SCAP: variants seen among roughly 807,000 people sequenced by gnomAD.
SCAP encodes SREBF chaperone, also known as sterol regulatory element-binding protein cleavage-activating protein.
A neutral mutation model predicts 123.6 loss-of-function variants in SCAP; 65 were observed. That is an observed-to-expected ratio of 0.53 (90% CI 0.43 to 0.65). SCAP has a LOEUF of 0.65. Ranked by LOEUF, SCAP falls within the 30% of genes least tolerant of loss-of-function variation. The pLI, the probability that SCAP is intolerant of heterozygous loss-of-function variation, is 0.00. For missense variants in SCAP, 1,398 were observed against 1,712.5 expected, an observed-to-expected ratio of 0.82 and a Z score of 3.24; for synonymous variants, 740 against 726.3, an observed-to-expected ratio of 1.02 and a Z score of -0.30.
At position 47,419,362 on chromosome 3, in the gene SCAP, G is replaced by T; in HGVS notation, c.1906C>A (p.Leu636Ile). 1 of 1,613,422 alleles carries T rather than the reference G, an allele frequency of 6.2e-7. No individual in the cohort carries two copies. The highest frequency in any genetic ancestry group is 8.5e-7 in the Non-Finnish European group (1 of 1,179,898). ...RKLSFRHWPT[L>I]FSYYNITLAK... Reference sequence around the variant, plus strand: ...AGTGTGATGTTGTAATAGCTGAAGAGCGTCGGCCAGTGGCGGAAGGACAAT... The same window carrying T: ...AGTGTGATGTTGTAATAGCTGAAGATCGTCGGCCAGTGGCGGAAGGACAAT... The change falls in exon 13 of 23, where the codon CTC (leucine) becomes ATC (isoleucine). Residue 636 changes from leucine (L) to isoleucine (I), a missense_variant. Physicochemically the swap from Leu to Ile is conservative, Grantham distance 5. Transcript: ENST00000265565. The surrounding 1 kb of genome is among the most constrained non-coding windows in gnomAD (Gnocchi z 5.0).
At chr3:47,457,241 C>T (rs2107978985) in intron 1 of SCAP, among the ~76,000 whole-genome samples, 1 of 152,236 alleles carries the variant, frequency 6.6e-6, no homozygotes, top group East Asian at 1.9e-4. Flanking sequence ...GAAACTTTCC[C>T]ATGTAGTTTA....
chr3:47,434,655 T>C (rs373322375), intron 3 of SCAP, among the ~76,000 whole-genome samples: 27 of 152,204 alleles, frequency 1.8e-4, no homozygotes, highest in African/African-American at 4.8e-4. Context: ...TTGGCCAACA[T>C]AGTGAAACTC....
intron 2 of SCAP, among the ~76,000 whole-genome samples, chr3:47,440,943 C>T (rs1417591875): frequency 6.6e-6 from 1 of 151,672 alleles, no homozygotes; most frequent in Non-Finnish European, 1.5e-5. Flanking sequence ...CACTCTTTCG[C>T]CAGGCTAGAG....
chr3:47,449,149 C>T (rs865932864), intron 1 of SCAP, among the ~76,000 whole-genome samples: 1 of 152,168 alleles, frequency 6.6e-6, no homozygotes, highest in African/African-American at 2.4e-5. Flanking sequence ...TAATGTACTC[C>T]ACAGTTTGGT....
At chr3:47,469,401 A>G (rs867751477) in intron 1 of SCAP, among the ~76,000 whole-genome samples, 34 of 152,302 alleles carry the variant, frequency 2.2e-4, no homozygotes, top group Admixed American at 1.4e-3. Flanking sequence ...TTGTTCGGTC[A>G]CCCAGGCTGG....
At chr3:47,443,184 A>T in intron 1 of SCAP, 93 bp from the exon 2 acceptor site, 13 of 848,114 alleles carry the variant, frequency 1.5e-5, no homozygotes, top group African/African-American at 1.8e-5. Context: ...TGGCTGGGGA[A>T]TGGTTTCAGA....
chr3:47,427,093 G>A (rs1252257565), intron 6 of SCAP, 64 bp downstream of exon 6: 2 of 1,146,804 alleles, frequency 1.7e-6, no homozygotes, highest in East Asian at 4.7e-5. Flanking sequence ...CCAGAAGAGG[G>A]ACTACTCAAA....
intron 1 of SCAP, among the ~76,000 whole-genome samples, chr3:47,472,440 CA>C (rs1384851474): frequency 5.9e-4 from 52 of 88,068 alleles, no homozygotes; most frequent in African/African-American, 8.9e-4. Flanking sequence ...GACTCCGTCT[CA>C]AAAAAAAAAA....
chr3:47,464,060 G>C (rs937262718), intron 1 of SCAP, among the ~76,000 whole-genome samples: 2 of 152,066 alleles, frequency 1.3e-5, no homozygotes, highest in South Asian at 2.1e-4. Flanking sequence ...CTGTCACCCA[G>C]GCTGGAGTAC....
chr3:47,445,909 C>T (rs1483282354), intron 1 of SCAP, among the ~76,000 whole-genome samples: 3 of 140,858 alleles, frequency 2.1e-5, no homozygotes, highest in African/African-American at 5.4e-5. Flanking sequence ...CAGAGTCTTG[C>T]TCTGTCACCA....
chr3:47,431,985 T>C (rs1264343964), intron 3 of SCAP, among the ~76,000 whole-genome samples: 1 of 152,178 alleles, frequency 6.6e-6, no homozygotes, highest in Non-Finnish European at 1.5e-5. Flanking sequence ...ATTTTATATT[T>C]TGGGTCTTAA....
chr3:47,414,030 C>G lies in SCAP; in HGVS notation c.3664G>C (p.Val1222Leu), dbSNP rs922965215. ...NLLVTGGQGC[V>L]SFWDLNYGDL... is the part of the protein sequence containing the mutation. Reference sequence around the variant, plus strand: ...CCGTAGTTTAGGTCCCAAAAGGAGACACAGCCCTGGCCGCCAGTCACCAGC... The same window carrying G: ...CCGTAGTTTAGGTCCCAAAAGGAGAGACAGCCCTGGCCGCCAGTCACCAGC... Residue 1222 changes from valine to leucine, a missense_variant, in exon 23 of 23, where the codon GTC becomes CTC. Val to Leu is a conservative substitution (Grantham distance 32, BLOSUM62 1). Coordinates refer to ENST00000265565, the MANE Select transcript of SCAP (RefSeq NM_012235.4). The G allele has an allele frequency of 7.4e-6, 12 of 1,613,298 alleles. No individual in the cohort carries two copies. The highest frequency in any genetic ancestry group is 1.7e-5 in the Admixed American group (1 of 60,026).
rs539584771 is a variant in SCAP, at chr3:47,471,928, G to A, written c.-99+3871C>T. Among the ~76,000 whole-genome samples the A allele has an allele frequency of 2.9e-4, 43 of 150,098 alleles. 1 individual carries two copies. The East Asian group carries it at 8.2e-3, about 29-fold the overall frequency. On this transcript the variant is annotated intron_variant, in intron 1 of 22. Coordinates refer to ENST00000265565, the MANE Select transcript of SCAP (RefSeq NM_012235.4). ...GGTTAAGGTGGGTGGATCACTTGAG[G>A]CCAGGAGTTTGAGACCAGCCTAACC...
At chr3:47,441,122 G>A (rs1300600028) in intron 2 of SCAP, among the ~76,000 whole-genome samples, 6 of 151,942 alleles carry the variant, frequency 3.9e-5, no homozygotes, top group East Asian at 1.9e-4. Flanking sequence ...GGATGGTCTC[G>A]ATCGCCTGAC....
At chr3:47,415,844 G>C (rs1705547422) in intron 18 of SCAP, among the ~76,000 whole-genome samples, 1 of 152,212 alleles carries the variant, frequency 6.6e-6, no homozygotes, top group African/African-American at 2.4e-5. Context: ...GGGGAAGCCA[G>C]TTTTATGATT....
intron 1 of SCAP, among the ~76,000 whole-genome samples, chr3:47,463,058 C>T (rs993436987): frequency 2.0e-5 from 3 of 152,142 alleles, no homozygotes; most frequent in East Asian, 1.9e-4. Flanking sequence ...CACTCAAATG[C>T]CTAATAAGCA....
rs565844441 is a variant in SCAP, at chr3:47,425,977, C to T, written c.910+20G>A. On this transcript the variant is annotated intron_variant, in intron 7 of 22. Transcript: ENST00000265565. The stretch of plus-strand genomic sequence containing the variant: ...CGTTTAGCTTGGAGAAAGCCCTCAG[C>T]CTCCCTGCCATGAACCTACGCGTGG... 1.5e-5 allele frequency: 25 copies of T among 1,613,524 alleles called. No individual in the cohort carries two copies. The highest frequency in any genetic ancestry group is 2.0e-5 in the Non-Finnish European group (24 of 1,179,788).
chr3:47,470,446 G>C lies in SCAP; in HGVS notation c.-99+5353C>G, dbSNP rs1707986970. Among the ~76,000 whole-genome samples, 4 of 152,352 alleles carry C rather than the reference G, an allele frequency of 2.6e-5. No individual in the cohort carries two copies. In the South Asian group the frequency reaches 8.3e-4, roughly 32 times the overall value. On this transcript the variant is annotated intron_variant, in intron 1 of 22. Coordinates refer to ENST00000265565, the MANE Select transcript of SCAP (RefSeq NM_012235.4). ...ATGTGGGACTGGTAAAAAGGATTAA[G>C]TGAACATCTGTACACAGGAGTTAAC...
intron 3 of SCAP, among the ~76,000 whole-genome samples, chr3:47,433,676 G>C (rs1315367287): frequency 6.6e-6 from 1 of 152,120 alleles, no homozygotes; most frequent in Non-Finnish European, 1.5e-5. Context: ...AGACCAGCCT[G>C]GCCAACATGG....
Sources: allele counts gnomAD v4.1 joint callset (sites outside exome capture counted in the v4.1 genomes callset), GRCh38; gene constraint gnomAD v4.1.1; non-coding constraint Gnocchi (gnomAD v3.1); transcripts MANE v1.5; gene names NCBI Gene and HGNC (gene_info 2026-07-23, HGNC 2026-07-21).